Variants in MBD5 observed in about 807,000 individuals in gnomAD.
MBD5 encodes the protein methyl-CpG-binding domain protein 5.
A neutral mutation model predicts 117.3 loss-of-function variants in MBD5; 13 were observed. The observed-to-expected ratio is 0.11, with a 90% CI of 0.07 to 0.18. MBD5 has a LOEUF of 0.18. Ranked by LOEUF, MBD5 falls within the 10% of genes least tolerant of loss-of-function variation. MBD5 has a pLI of 1.00. For missense variants in MBD5, 1,879 were observed against 2,093.8 expected, an observed-to-expected ratio of 0.90 and a Z score of 2.00; for synonymous variants, 727 against 766.4, an observed-to-expected ratio of 0.95 and a Z score of 0.85.
At chr2:148,032,536 A>G (rs893923106) in intron 1 of MBD5, among the ~76,000 whole-genome samples, 2 of 152,142 alleles carry the variant, frequency 1.3e-5, no homozygotes, top group African/African-American at 4.8e-5. Flanking sequence ...AGTACCGAAT[A>G]TTAAACAAAG....
At chr2:148,424,177 C>CA (rs56740583) in intron 4 of MBD5, among the ~76,000 whole-genome samples, 12 of 53,462 alleles carry the variant, frequency 2.2e-4, no homozygotes, top group Non-Finnish European at 3.9e-4. Context: ...GACTCTGTCT[C>CA]AAAAAAAAAA....
At chr2:148,124,951 T>C (rs975044769) in intron 1 of MBD5, among the ~76,000 whole-genome samples, 1 of 150,912 alleles carries the variant, frequency 6.6e-6, no homozygotes, top group Non-Finnish European at 1.5e-5. Flanking sequence ...CTATATATGA[T>C]ATATATGTAA....
At chr2:148,450,649 C>A (rs1706700357) in intron 4 of MBD5, among the ~76,000 whole-genome samples, 2 of 152,088 alleles carry the variant, frequency 1.3e-5, no homozygotes, top group South Asian at 4.1e-4. Flanking sequence ...AGTTATAAGG[C>A]CTTTTGAGTT....
At chr2:148,478,901 G>C (rs1178158719) in intron 8 of MBD5, among the ~76,000 whole-genome samples, 3 of 152,134 alleles carry the variant, frequency 2.0e-5, no homozygotes, top group African/African-American at 7.2e-5. Flanking sequence ...CTCAGCGACT[G>C]TCCTTTTTAT....
intron 3 of MBD5, among the ~76,000 whole-genome samples, chr2:148,255,115 T>C (rs1232024296): frequency 6.6e-6 from 1 of 152,202 alleles, no homozygotes; most frequent in Non-Finnish European, 1.5e-5. Flanking sequence ...ACAATGCAGT[T>C]GGAGCATGTT....
At chr2:148,378,482 T>C (rs2105414852) in intron 4 of MBD5, among the ~76,000 whole-genome samples, 1 of 152,276 alleles carries the variant, frequency 6.6e-6, no homozygotes, top group Non-Finnish European at 1.5e-5. Context: ...TTAAATTTTT[T>C]CCTCTCGCTT....
intron 2 of MBD5, among the ~76,000 whole-genome samples, chr2:148,220,603 T>G (rs1355715179): frequency 6.6e-6 from 1 of 152,136 alleles, no homozygotes; most frequent in Non-Finnish European, 1.5e-5. Context: ...GTCATAGTCT[T>G]ATTTTTTATT....
intron 4 of MBD5, chr2:148,447,800 T>C (rs1706612406): frequency 6.6e-6 from 1 of 152,140 alleles, no homozygotes; most frequent in South Asian, 2.1e-4. Context: ...GTCAATTAAT[T>C]TACTTATATT....
At chr2:148,184,655 C>T (rs1698608780) in intron 2 of MBD5, among the ~76,000 whole-genome samples, 1 of 152,048 alleles carries the variant, frequency 6.6e-6, no homozygotes, top group Non-Finnish European at 1.5e-5. Flanking sequence ...ATCTGTATGC[C>T]AATATTTTAT....
chr2:148,279,294 G>A (rs1487181630), intron 3 of MBD5, among the ~76,000 whole-genome samples: 1 of 152,174 alleles, frequency 6.6e-6, no homozygotes, highest in Non-Finnish European at 1.5e-5. Flanking sequence ...TCTGGGTGTG[G>A]TGGCATGAGC....
chr2:148,178,539 A>G (rs1290932777), intron 1 of MBD5, among the ~76,000 whole-genome samples, 161 bp from the exon 2 acceptor site: 2 of 152,144 alleles, frequency 1.3e-5, no homozygotes, highest in Admixed American at 1.3e-4. Context: ...TCTTAATGTT[A>G]TTGCTGTTTG....
At chr2:148,082,827 A>G (rs1263948646) in intron 1 of MBD5, among the ~76,000 whole-genome samples, 11 of 152,230 alleles carry the variant, frequency 7.2e-5, no homozygotes, top group Admixed American at 4.6e-4. Context: ...AACAAATTCA[A>G]GATCATCTGG....
intron 1 of MBD5, chr2:148,025,578 A>G (rs1693869817): frequency 6.6e-6 from 1 of 150,994 alleles, no homozygotes; most frequent in South Asian, 2.1e-4. Context: ...AAACCCTCTA[A>G]ACTTAAATCT....
Position 148,469,905 on chromosome 2 carries a change from C to A in MBD5, c.1962C>A (p.Asp654Glu), listed in dbSNP as rs139953766. ...ATAAGCTGATGTCTCAGCAAAAAGA[C>A]GCATTGCGGAAAAGAAAACAACCAC... Reference protein sequence around the residue: ...LRDKLMSQQKDALRKRKQPPT... With the variant: ...LRDKLMSQQKEALRKRKQPPT... Residue 654 changes from aspartate to glutamate, a missense_variant, in exon 8 of 14, where the codon GAC becomes GAA. Physicochemically the swap from Asp to Glu is conservative, Grantham distance 45. Around this residue, in one of 4 missense-constraint regions of MBD5, gnomAD observed 1,666 missense variants for 1,792.2 expected, o/e 0.93. Transcript: ENST00000642680. 2 of 1,613,822 alleles carry A rather than the reference C, an allele frequency of 1.2e-6. No homozygotes were observed. Among genetic ancestry groups the A allele is most frequent in the Non-Finnish European group, 8.5e-7 (1 of 1,179,906 alleles).
At chr2:148,369,933 C>T (rs1246004585) in intron 4 of MBD5, among the ~76,000 whole-genome samples, 3 of 152,106 alleles carry the variant, frequency 2.0e-5, no homozygotes, top group Non-Finnish European at 4.4e-5. Context: ...ACTACTACAT[C>T]CAGTCTCTTC....
chr2:148,470,260 A>G lies in MBD5; in HGVS notation c.2317A>G (p.Ser773Gly). ...NANTNFVHSN[S>G]PVPNHHLAGL... ...AAACACTAACTTTGTTCACAGTAAC[A>G]GTCCAGTCCCCAACCACCATCTTGC... The change falls in exon 8 of 14, where the codon AGT becomes GGT. Residue 773 changes from serine to glycine, a missense_variant. Ser to Gly is a moderately conservative substitution (Grantham distance 56, BLOSUM62 0). Transcript: ENST00000642680. The G allele has an allele frequency of 6.2e-7, 1 of 1,614,028 alleles. No individual in the cohort carries two copies. Among genetic ancestry groups the G allele is most frequent in the South Asian group, 1.1e-5 (1 of 91,084 alleles).
At position 148,025,651 on chromosome 2, in the gene MBD5, T is replaced by C. The variant is rs143575874; in HGVS notation, c.-925+3967T>C. ...TAACAGATTATCATTCATGATTCAT[T>C]GGAAGACATTGTACATTTTCATTTT... On this transcript the variant is annotated intron_variant, in intron 1 of 13. Coordinates refer to ENST00000642680, the MANE Select transcript of MBD5 (RefSeq NM_001378120.1). The C allele has an allele frequency of 2.0e-5, 3 of 152,214 alleles. No individual in the cohort carries two copies. The East Asian group carries it at 5.8e-4, about 29-fold the overall frequency. 9.4% of individuals were successfully genotyped at this position (152,214 alleles called of 1,614,324 possible).
intron 4 of MBD5, among the ~76,000 whole-genome samples, chr2:148,379,264 G>A (rs1279310390): frequency 6.6e-6 from 1 of 152,006 alleles, no homozygotes; most frequent in African/African-American, 2.4e-5. Flanking sequence ...GCAGCTTAAG[G>A]GGGAAAAAAC....
intron 4 of MBD5, among the ~76,000 whole-genome samples, chr2:148,368,447 A>G (rs1703764190): frequency 6.6e-6 from 1 of 152,208 alleles, no homozygotes; most frequent in South Asian, 2.1e-4. Flanking sequence ...CACATTCTGC[A>G]CATGTATCCC....
Sources: gnomAD v4.1 joint callset for allele counts (sites outside exome capture counted in the v4.1 genomes callset) on GRCh38, gnomAD v4.1.1 for gene constraint, gnomAD v4.1.1 regional missense constraint, MANE v1.5 for transcripts, NCBI Gene and HGNC (gene_info 2026-07-23, HGNC 2026-07-21) for gene names.